The following REXO4 variants were observed in gnomAD, a reference collection of about 807,000 sequenced individuals.
REXO4 encodes the protein RNA exonuclease 4.
Under a neutral mutation model 39.9 loss-of-function variants are expected in REXO4, and 29 were observed. The ratio of observed to expected loss-of-function variants is 0.73; its 90% CI spans 0.54 to 0.99. The LOEUF (loss-of-function observed/expected upper bound fraction) is 0.99, where lower values mean the gene tolerates loss of function less well. Ranked by LOEUF, REXO4 falls within the 50% of genes least tolerant of loss-of-function variation. The pLI, the probability that REXO4 is intolerant of heterozygous loss-of-function variation, is 0.00. For missense variants in REXO4, 524 were observed against 546.5 expected (o/e 0.96, Z 0.41); for synonymous variants, 184 against 206.2 (o/e 0.89, Z 0.92).
chr9:133,416,297 G>C (rs1839596149), intron 1 of REXO4, among the ~76,000 whole-genome samples: 1 of 152,162 alleles, frequency 6.6e-6, no homozygotes, highest in African/African-American at 2.4e-5. Context: ...AGTCATTCAT[G>C]AGGGATCTAC....
intron 5 of REXO4, 97 bp from the exon 6 acceptor site, chr9:133,408,939 T>G: frequency 4.0e-6 from 1 of 252,960 alleles, no homozygotes. Context: ...CATCTTTGTG[T>G]GTGTGTGTGT....
chr9:133,407,663 A>ATTT, intron 7 of REXO4, 144 bp downstream of exon 7: 4 of 485,268 alleles, frequency 8.2e-6, no homozygotes, highest in East Asian at 3.8e-5. Context: ...CCGCTCTACC[A>ATTT]TTTTTTTTTT....
rs201077059 is a variant in REXO4, at chr9:133,412,783, G to C, written c.711C>G (p.Phe237Leu). The C allele has an allele frequency of 1.7e-5, 28 of 1,611,862 alleles. No homozygotes were observed. Among genetic ancestry groups the C allele is most frequent in the Admixed American group, 3.3e-5 (2 of 60,006 alleles). ...VSLSLVKEQA[F>L]GGLTRALALD... ...ACTCCCTGAGACCAGCGTACCCGCC[G>C]AAGGCCTGCTCTTTCACGAGGCTGA... The change falls in exon 3 of 8, where the codon TTC (phenylalanine) becomes TTG (leucine). Residue 237 changes from phenylalanine (F) to leucine (L), a missense_variant. Coordinates refer to ENST00000371942, the MANE Select transcript of REXO4 (RefSeq NM_020385.4).
chr9:133,413,372 G>A (rs1367713727), intron 2 of REXO4, among the ~76,000 whole-genome samples: 1 of 152,142 alleles, frequency 6.6e-6, no homozygotes, highest in Non-Finnish European at 1.5e-5. Flanking sequence ...AAAGAGCTGG[G>A]ATTACAGGTG....
rs1839224599 is a variant in REXO4, at chr9:133,411,776, A to G, written c.910+523T>C. On this transcript the variant is annotated intron_variant, in intron 4 of 7. Coordinates refer to ENST00000371942, the MANE Select transcript of REXO4 (RefSeq NM_020385.4). ...ACCCTGTCTCTACTTAAAATACAAAATTAGTCGGGTGTGGTGGCATATGCC... is the reference window on the plus strand; with the variant it reads ...ACCCTGTCTCTACTTAAAATACAAAGTTAGTCGGGTGTGGTGGCATATGCC... Among the ~76,000 whole-genome samples, 5 of 151,786 alleles carry G rather than the reference A, an allele frequency of 3.3e-5. No individual in the cohort carries two copies. In the South Asian group the frequency reaches 1.0e-3, roughly 32 times the overall value.
chr9:133,408,472 GGAT>G, intron 6 of REXO4, among the ~76,000 whole-genome samples: 1 of 150,954 alleles, frequency 6.6e-6, no homozygotes, highest in South Asian at 2.1e-4. Flanking sequence ...AAAAAAAAAA[GGAT>G]GAAGAACGGC....
At chr9:133,416,428 G>A (rs113361172) in intron 1 of REXO4, among the ~76,000 whole-genome samples, 8,678 of 152,234 alleles carry the variant, frequency 0.057, 341 homozygotes, top group Middle Eastern at 0.099. Context: ...GCCCAGGCTG[G>A]ACTTGAACTC....
chr9:133,406,887 G>A lies in REXO4; in HGVS notation c.*66C>T. ...CAGAGTTGCCACTCTGGGGAGATGTGATCTGTCCCTGTGACTGGTCACATT... is the reference window on the plus strand; with the variant it reads ...CAGAGTTGCCACTCTGGGGAGATGTAATCTGTCCCTGTGACTGGTCACATT... On this transcript the variant is annotated 3_prime_UTR_variant, in exon 8 of 8. Coordinates refer to ENST00000371942, the MANE Select transcript of REXO4 (RefSeq NM_020385.4). 3.1e-6 allele frequency: 5 copies of A among 1,598,866 alleles called. No homozygotes were observed. The highest frequency in any genetic ancestry group is 4.2e-6 in the Non-Finnish European group (5 of 1,177,960).
chr9:133,409,464 T>C lies in REXO4; in HGVS notation c.1000-622A>G, dbSNP rs1453964595. ...CAACAGTTAACCAGCAACCAACTTA[T>C]TCCTATATTATACTTGTATTTTGAG... On this transcript the variant is annotated intron_variant, in intron 5 of 7. Coordinates refer to ENST00000371942, the MANE Select transcript of REXO4 (RefSeq NM_020385.4). Among the ~76,000 whole-genome samples, 3 of 152,342 alleles carry C rather than the reference T, an allele frequency of 2.0e-5. No homozygotes were observed. The East Asian group carries it at 5.8e-4, about 29-fold the overall frequency.
intron 7 of REXO4, 53 bp from the exon 8 acceptor site, chr9:133,407,125 G>A (rs782582255): frequency 8.1e-6 from 13 of 1,606,136 alleles, no homozygotes; most frequent in South Asian, 1.1e-5. Context: ...GCAGCCCACA[G>A]TCAACCCCAC....
At chr9:133,417,435 T>C (rs964468590) in intron 1 of REXO4, among the ~76,000 whole-genome samples, 185 bp downstream of exon 1, 2 of 152,292 alleles carry the variant, frequency 1.3e-5, no homozygotes, top group East Asian at 3.8e-4. Context: ...CTTTCATCAA[T>C]TTCTTTCAAG....
intron 1 of REXO4, among the ~76,000 whole-genome samples, chr9:133,415,438 G>C (rs1839528598): frequency 6.6e-6 from 1 of 151,474 alleles, no homozygotes; most frequent in Non-Finnish European, 1.5e-5. Flanking sequence ...AGATTCCCTG[G>C]TTTGCTACTG....
chr9:133,411,154 C>T, intron 4 of REXO4, 81 bp from the exon 5 acceptor site: 1 of 1,168,236 alleles, frequency 8.6e-7, no homozygotes, highest in South Asian at 1.2e-5. Context: ...CCGCTCCTAC[C>T]CCTGGTCAGA....
intron 4 of REXO4, 52 bp from the exon 5 acceptor site, chr9:133,411,125 A>T: frequency 1.4e-6 from 2 of 1,464,704 alleles, no homozygotes; most frequent in Non-Finnish European, 1.9e-6. Context: ...CATCACCATC[A>T]TTCTGTGAGG....
chr9:133,406,615 T>C lies in REXO4; in HGVS notation c.*338A>G, dbSNP rs1838888472. ...CCTCACCCCAGGGTGTCACCGAAGA[T>C]GGGCAGTGACAGCACCGTATGGACT... On this transcript the variant is annotated 3_prime_UTR_variant, in exon 8 of 8. Transcript: ENST00000371942. 6.3e-6 allele frequency: 2 copies of C among 319,854 alleles called. No homozygotes were observed. Among genetic ancestry groups the C allele is most frequent in the Admixed American group, 4.0e-5 (1 of 24,924 alleles). 19.8% of individuals were successfully genotyped at this position (319,854 alleles called of 1,614,324 possible).
rs782156715 is a variant in REXO4, at chr9:133,414,667, G to A, written c.570C>T (p.Thr190=). The A allele has an allele frequency of 2.5e-5, 41 of 1,613,552 alleles. No homozygotes were observed. The highest frequency in any genetic ancestry group is 8.9e-5 in the East Asian group (4 of 44,896). Residue 190 remains threonine, a splice_region_variant and synonymous_variant, in exon 2 of 8, where the codon ACC becomes ACT. Coordinates refer to ENST00000371942, the MANE Select transcript of REXO4 (RefSeq NM_020385.4). ...GTGGTGAGGTGGCCCATACTTACTC[G>A]GTGGGTGGGGCTGGGGCTGCCTCCT... ...KAKEAAPAPP[T]EEDIWFDDVD... is the part of the protein sequence containing the mutation.
At chr9:133,409,073 C>A (rs377483300) in intron 5 of REXO4, among the ~76,000 whole-genome samples, 2 of 151,890 alleles carry the variant, frequency 1.3e-5, no homozygotes, top group Admixed American at 6.6e-5. Context: ...TCAAGTGATT[C>A]TCCTGCCTCA....
At chr9:133,411,702 G>T (rs1360338604) in intron 4 of REXO4, among the ~76,000 whole-genome samples, 1 of 152,080 alleles carries the variant, frequency 6.6e-6, no homozygotes, top group Admixed American at 6.5e-5. Flanking sequence ...GGAGGCAGGC[G>T]GATCACCTGA....
At chr9:133,408,060 A>T (rs1018771020) in intron 6 of REXO4, among the ~76,000 whole-genome samples, 179 bp from the exon 7 acceptor site, 2 of 152,110 alleles carry the variant, frequency 1.3e-5, no homozygotes, top group Admixed American at 6.6e-5. Context: ...TTATAGCATG[A>T]TGGGCTGGTG....
Sources: allele counts gnomAD v4.1 joint callset (sites outside exome capture counted in the v4.1 genomes callset), GRCh38; gene constraint gnomAD v4.1.1; transcripts MANE v1.5; gene names NCBI Gene and HGNC (gene_info 2026-07-23, HGNC 2026-07-21).